PIK3C2G: variants seen among roughly 807,000 people sequenced by gnomAD.
PIK3C2G encodes the protein phosphatidylinositol-4-phosphate 3-kinase catalytic subunit type 2 gamma.
Under a neutral mutation model 181.1 loss-of-function variants are expected in PIK3C2G, and 168 were observed. The ratio of observed to expected loss-of-function variants is 0.93; its 90% confidence interval spans 0.82 to 1.05. The LOEUF (loss-of-function observed/expected upper bound fraction) is 1.05. Ranked by LOEUF, PIK3C2G falls within the 50% of genes least tolerant of loss-of-function variation. PIK3C2G has a pLI of 0.00. For synonymous variants in PIK3C2G, 573 were observed against 592.2 expected (o/e 0.97, Z 0.47); for missense variants, 1,869 against 1,732.8 (o/e 1.08, Z -1.40).
intron 31 of PIK3C2G, among the ~76,000 whole-genome samples, chr12:18,615,889 T>G (rs2136637163): frequency 6.6e-6 from 1 of 152,212 alleles, no homozygotes; most frequent in Non-Finnish European, 1.5e-5. Flanking sequence ...TTGAAATTTC[T>G]TAGCTTAATA....
At chr12:18,440,213 G>A (rs1287488630) in intron 18 of PIK3C2G, among the ~76,000 whole-genome samples, 1 of 152,082 alleles carries the variant, frequency 6.6e-6, no homozygotes, top group Middle Eastern at 3.4e-3. Context: ...GCTTATATCT[G>A]TAAGAGTTAT....
chr12:18,454,587 T>C (rs557024583), intron 18 of PIK3C2G, among the ~76,000 whole-genome samples: 1 of 152,224 alleles, frequency 6.6e-6, no homozygotes, highest in East Asian at 1.9e-4. Context: ...TGGAATCCAT[T>C]AGCAGGATCA....
intron 16 of PIK3C2G, among the ~76,000 whole-genome samples, chr12:18,418,802 A>T (rs1331193385): frequency 6.6e-6 from 1 of 152,172 alleles, no homozygotes; most frequent in African/African-American, 2.4e-5. Flanking sequence ...TCAATGATGT[A>T]TATAATATAG....
chr12:18,419,264 T>G (rs796161976), intron 16 of PIK3C2G, among the ~76,000 whole-genome samples: 3 of 152,238 alleles, frequency 2.0e-5, no homozygotes, highest in African/African-American at 7.2e-5. Flanking sequence ...CCTTTTATAC[T>G]CCTCTTTTGT....
intron 18 of PIK3C2G, among the ~76,000 whole-genome samples, chr12:18,453,670 T>C (rs1030586801): frequency 6.6e-6 from 1 of 152,132 alleles, no homozygotes; most frequent in African/African-American, 2.4e-5. Context: ...TTCACAGGTG[T>C]TCTGAATAGT....
rs745371375 is a variant in PIK3C2G at position 18,292,210 on chromosome 12, C to CAAAAA, written c.919+1212_919+1216dup. ...GGGCAACAAGAGCAAAACTCCATCT[C>CAAAAA]AAAAAAAAAAAAAAAAAATATATAT... On this transcript the variant is annotated intron_variant, in intron 4 of 32. Transcript: ENST00000538779. 1.5e-3 allele frequency among the ~76,000 whole-genome samples: 42 copies of CAAAAA among 28,610 alleles called. 2 individuals carry two copies. The highest frequency in any genetic ancestry group is 4.8e-3 in the African/African-American group (36 of 7,448). 18.8% of individuals were successfully genotyped at this position (28,610 alleles called of 152,430 possible). A position where few individuals can be genotyped will look rare whatever the true frequency, so the allele number is the denominator to read the frequency against.
the PIK3C2G span, chr12:18,683,158 TAAAAAAGA>T: frequency 2.4e-6 from 3 of 1,235,994 alleles, no homozygotes; most frequent in Non-Finnish European, 3.5e-6. Context: ...TCTTTATGTT[TAAAAAAGA>T]AAACATAAAG....
At chr12:18,634,316 T>A (rs1488165022) in intron 31 of PIK3C2G, among the ~76,000 whole-genome samples, 1 of 152,284 alleles carries the variant, frequency 6.6e-6, no homozygotes, top group East Asian at 1.9e-4. Flanking sequence ...TGCAGCTGGC[T>A]TCTCCTACAA....
chr12:18,704,693 G>GA, the PIK3C2G span, among the ~76,000 whole-genome samples: 2 of 152,060 alleles, frequency 1.3e-5, no homozygotes, highest in Non-Finnish European at 2.9e-5. Context: ...ATGTGGACGT[G>GA]ATTTTTCAAA....
At chr12:18,431,313 C>T (rs576217243) in intron 18 of PIK3C2G, among the ~76,000 whole-genome samples, 1 of 152,240 alleles carries the variant, frequency 6.6e-6, no homozygotes, top group South Asian at 2.1e-4. Context: ...AAGGATGATC[C>T]TTGCCTTAAA....
At chr12:18,273,910 C>G (rs1399898587) in intron 1 of PIK3C2G, among the ~76,000 whole-genome samples, 3 of 151,976 alleles carry the variant, frequency 2.0e-5, no homozygotes, top group Non-Finnish European at 4.4e-5. Flanking sequence ...ACTCATCTGA[C>G]AAAGGGCTAA....
chr12:18,251,678 A>G (rs1250101938), intron 1 of PIK3C2G, among the ~76,000 whole-genome samples: 8 of 152,066 alleles, frequency 5.3e-5, no homozygotes, highest in African/African-American at 1.9e-4. Flanking sequence ...TTCTTGAAAT[A>G]CGTAGCACAA....
chr12:18,712,053 T>C, the PIK3C2G span, among the ~76,000 whole-genome samples: 1 of 152,184 alleles, frequency 6.6e-6, no homozygotes. Flanking sequence ...AGGAGAACTT[T>C]ATTACATTTG....
At chr12:18,603,401 C>T (rs764759502) in intron 30 of PIK3C2G, among the ~76,000 whole-genome samples, 10 of 152,038 alleles carry the variant, frequency 6.6e-5, no homozygotes, top group Non-Finnish European at 7.4e-5. Context: ...TAAGAATAAT[C>T]GGTGTTTCTT....
At chr12:18,306,579 A>G (rs1361400480) in intron 5 of PIK3C2G, among the ~76,000 whole-genome samples, 2 of 152,076 alleles carry the variant, frequency 1.3e-5, no homozygotes, top group Non-Finnish European at 2.9e-5. Flanking sequence ...AGTTTACTCA[A>G]ATTAAGGATA....
intron 25 of PIK3C2G, among the ~76,000 whole-genome samples, chr12:18,544,810 T>G (rs1475041922): frequency 6.6e-6 from 1 of 151,862 alleles, no homozygotes; most frequent in Non-Finnish European, 1.5e-5. Context: ...CAATTATCAT[T>G]TATATGCTAA....
chr12:18,495,767 AT>A (rs1278888460), intron 20 of PIK3C2G, among the ~76,000 whole-genome samples: 2 of 152,164 alleles, frequency 1.3e-5, no homozygotes, highest in Non-Finnish European at 2.9e-5. Flanking sequence ...TGCTTAGTTC[AT>A]TTAAACCTCA....
chr12:18,434,484 G>A (rs1314323393), intron 18 of PIK3C2G, among the ~76,000 whole-genome samples: 1 of 152,032 alleles, frequency 6.6e-6, no homozygotes, highest in African/African-American at 2.4e-5. Flanking sequence ...CATAGAAAGA[G>A]AATCATAGCA....
At chr12:18,556,393 T>G (rs1945014903) in intron 26 of PIK3C2G, among the ~76,000 whole-genome samples, 1 of 152,096 alleles carries the variant, frequency 6.6e-6, no homozygotes, top group Admixed American at 6.6e-5. Flanking sequence ...AGTGAAAGTC[T>G]GCCCCCAAAC....
Sources: allele counts gnomAD v4.1 joint callset (sites outside exome capture counted in the v4.1 genomes callset), GRCh38; gene constraint gnomAD v4.1.1; transcripts MANE v1.5; gene names NCBI Gene and HGNC (gene_info 2026-07-23, HGNC 2026-07-21).